The following PTPRK variants were observed in gnomAD, a reference collection of about 807,000 sequenced individuals.
PTPRK encodes the protein protein tyrosine phosphatase receptor type K, also known as receptor-type tyrosine-protein phosphatase kappa.
In PTPRK, 75 loss-of-function variants were observed where a neutral mutation model predicts 178.0. The observed-to-expected ratio is 0.42, with a 90% confidence interval of 0.35 to 0.51. The LOEUF is 0.51. Ranked by LOEUF, PTPRK falls within the 20% of genes least tolerant of loss-of-function variation. PTPRK has a pLI of 0.02. For missense variants in PTPRK, 1,441 were observed against 1,797.8 expected, an observed-to-expected ratio of 0.80 and a Z score of 3.59; for synonymous variants, 637 against 620.6, an observed-to-expected ratio of 1.03 and a Z score of -0.39.
intron 7 of PTPRK, among the ~76,000 whole-genome samples, chr6:128,140,350 C>T (rs959284454): frequency 3.3e-5 from 5 of 151,776 alleles, no homozygotes; most frequent in African/African-American, 1.2e-4. Flanking sequence ...TAATTTTTTC[C>T]TTTAATCTGA....
Position 128,322,213 on chromosome 6 carries a change from A to G in PTPRK, c.321T>C (p.Asp107=). The change falls in exon 3 of 30, where the codon GAT becomes GAC. Residue 107 remains aspartate, a synonymous_variant. Coordinates refer to ENST00000368226, the MANE Select transcript of PTPRK (RefSeq NM_002844.4). ...TMKENDTHCI[D]FSYLLYSQKG... is the part of the protein sequence containing the mutation. ...TCTGGCTATATAATAGGTAACTGAA[A>G]TCAATGCAGTGAGTGTCGTTCTCCT... is the stretch of plus-strand genomic sequence containing the variant. The G allele has an allele frequency of 1.2e-6, 2 of 1,613,844 alleles. No individual in the cohort carries two copies. Among genetic ancestry groups the G allele is most frequent in the Non-Finnish European group, 1.7e-6 (2 of 1,179,800 alleles).
chr6:128,320,137 C>T (rs1828588738), intron 3 of PTPRK, among the ~76,000 whole-genome samples: 1 of 152,124 alleles, frequency 6.6e-6, no homozygotes, highest in Admixed American at 6.6e-5. Flanking sequence ...CACCCAGGCA[C>T]TTTTTGTACT....
In PTPRK at chr6:128,276,186, CAT is replaced by C. The variant is rs1404216107; in HGVS notation, c.496-33586_496-33585del. 2.6e-5 allele frequency among the ~76,000 whole-genome samples: 4 copies of C among 152,176 alleles called. No individual in the cohort carries two copies. The East Asian group carries it at 7.7e-4, about 29-fold the overall frequency. On this transcript the variant is annotated intron_variant, in intron 3 of 29. Transcript: ENST00000368226. Reference sequence around the variant, plus strand: ...GCATAAGATTCTACTTGAGGCAACACATATAAAGTTTTATGGTATCTGTAAGT... The same window carrying C: ...GCATAAGATTCTACTTGAGGCAACACATAAAGTTTTATGGTATCTGTAAGT...
intron 2 of PTPRK, among the ~76,000 whole-genome samples, chr6:128,375,166 G>A (rs79446910): frequency 0.038 from 5,684 of 149,692 alleles, 158 homozygotes; most frequent in Middle Eastern, 0.063. Context: ...TTTTGTTCAC[G>A]GATTTAGCCC....
intron 6 of PTPRK, among the ~76,000 whole-genome samples, chr6:128,189,206 T>A: frequency 6.7e-6 from 1 of 150,290 alleles, no homozygotes; most frequent in East Asian, 1.9e-4. Context: ...AGTTAATAAT[T>A]TATATATATA....
chr6:128,299,691 C>T (rs572150021), intron 3 of PTPRK, among the ~76,000 whole-genome samples: 4 of 151,990 alleles, frequency 2.6e-5, no homozygotes, highest in Admixed American at 6.6e-5. Flanking sequence ...GAAACTGGAT[C>T]CCTTCCTTAC....
At chr6:128,515,136 CACTT>C (rs928823259) in intron 1 of PTPRK, among the ~76,000 whole-genome samples, 2 of 152,176 alleles carry the variant, frequency 1.3e-5, no homozygotes, top group African/African-American at 4.8e-5. Flanking sequence ...TAACTTATCT[CACTT>C]ATCTCAAAAT....
At chr6:128,074,477 A>G (rs1783411799) in intron 11 of PTPRK, among the ~76,000 whole-genome samples, 1 of 152,066 alleles carries the variant, frequency 6.6e-6, no homozygotes, top group Non-Finnish European at 1.5e-5. Context: ...TCATTTACGA[A>G]GAAACCTTTT....
intron 3 of PTPRK, among the ~76,000 whole-genome samples, chr6:128,306,247 G>C (rs1199538653): frequency 1.3e-5 from 2 of 152,172 alleles, no homozygotes; most frequent in African/African-American, 4.8e-5. Flanking sequence ...AAACATTCAA[G>C]AAGGTTATAG....
At chr6:128,267,229 A>T (rs1307109198) in intron 3 of PTPRK, among the ~76,000 whole-genome samples, 1 of 152,088 alleles carries the variant, frequency 6.6e-6, no homozygotes, top group Non-Finnish European at 1.5e-5. Context: ...ACAGGCAAAA[A>T]TGTAACTCAT....
At chr6:128,035,026 C>T (rs1442597307) in intron 13 of PTPRK, among the ~76,000 whole-genome samples, 1 of 152,134 alleles carries the variant, frequency 6.6e-6, no homozygotes, top group Non-Finnish European at 1.5e-5. Flanking sequence ...AGACAGTGGT[C>T]ATTTTCTGAT....
intron 6 of PTPRK, 76 bp from the exon 7 acceptor site, chr6:128,184,801 T>C (rs1371232475): frequency 2.2e-6 from 3 of 1,353,334 alleles, no homozygotes; most frequent in Admixed American, 4.4e-5. Flanking sequence ...TAATAAGGCC[T>C]AAATGCTTAA....
chr6:128,231,126 C>A (rs766204288), intron 5 of PTPRK, among the ~76,000 whole-genome samples: 4 of 152,042 alleles, frequency 2.6e-5, no homozygotes, highest in African/African-American at 4.8e-5. Flanking sequence ...ATCCAAAATG[C>A]CAGAAAGCAG....
At chr6:128,050,287 T>C (rs1778788274) in intron 13 of PTPRK, among the ~76,000 whole-genome samples, 1 of 152,232 alleles carries the variant, frequency 6.6e-6, no homozygotes, top group African/African-American at 2.4e-5. Flanking sequence ...TGTTGCTCCA[T>C]GTTCTTAATG....
intron 13 of PTPRK, among the ~76,000 whole-genome samples, chr6:128,057,192 A>G (rs752407201): frequency 2.6e-5 from 4 of 152,298 alleles, no homozygotes; most frequent in Admixed American, 6.5e-5. Flanking sequence ...TTGTATGTAT[A>G]ATTTTTGGAA....
chr6:128,340,917 T>C (rs1053785283), intron 2 of PTPRK: 9 of 271,846 alleles, frequency 3.3e-5, no homozygotes, highest in Non-Finnish European at 5.7e-5. Flanking sequence ...ATAGATTTAA[T>C]AGTACATTCC....
At chr6:128,172,680 G>A (rs894068077) in intron 7 of PTPRK, among the ~76,000 whole-genome samples, 2 of 150,450 alleles carry the variant, frequency 1.3e-5, no homozygotes, top group East Asian at 2.0e-4. Context: ...ATAGATATAT[G>A]CATATCAATG....
At chr6:128,294,883 T>C (rs893599891) in intron 3 of PTPRK, among the ~76,000 whole-genome samples, 3 of 151,992 alleles carry the variant, frequency 2.0e-5, no homozygotes, top group Non-Finnish European at 2.9e-5. Context: ...AGTTTGTAAA[T>C]ATGAGTAAAG....
At chr6:128,496,959 G>A (rs1854765089) in intron 1 of PTPRK, among the ~76,000 whole-genome samples, 1 of 152,164 alleles carries the variant, frequency 6.6e-6, no homozygotes, top group South Asian at 2.1e-4. Flanking sequence ...TCTGGAATCA[G>A]TAAAACATTA....
Sources: gnomAD v4.1 joint callset for allele counts (sites outside exome capture counted in the v4.1 genomes callset) on GRCh38, gnomAD v4.1.1 for gene constraint, MANE v1.5 for transcripts, NCBI Gene and HGNC (gene_info 2026-07-23, HGNC 2026-07-21) for gene names.